Variants in LRP5 observed in about 807,000 individuals in gnomAD.
The protein encoded by LRP5 is low-density lipoprotein receptor-related protein 5.
In LRP5, 62 loss-of-function variants were observed where a neutral mutation model predicts 154.1. That is an observed-to-expected ratio of 0.40 (90% confidence interval 0.33 to 0.50). LRP5 has a LOEUF of 0.50. Ranked by LOEUF, LRP5 falls within the 20% of genes least tolerant of loss-of-function variation. The probability of loss-of-function intolerance (pLI) is 0.55; values close to 1 mark genes in which losing one functional copy is unlikely to be tolerated. For synonymous variants in LRP5, 966 were observed against 1,011.5 expected, an observed-to-expected ratio of 0.96 and a Z score of 0.85; for missense variants, 1,915 against 2,336.7, an observed-to-expected ratio of 0.82 and a Z score of 3.72.
intron 5 of LRP5, among the ~76,000 whole-genome samples, chr11:68,383,196 G>A (rs934063542): frequency 3.9e-5 from 6 of 152,216 alleles, no homozygotes; most frequent in African/African-American, 1.4e-4. Context: ...TGATTTCTTA[G>A]GAGGACAGAG....
intron 3 of LRP5, among the ~76,000 whole-genome samples, chr11:68,360,412 G>A (rs1194588361): frequency 0.028 from 1 of 36 alleles, no homozygotes; most frequent in African/African-American, 0.17. Flanking sequence ...CATAGGGTCT[G>A]TAGCTCCAGG....
At chr11:68,410,191 G>A (rs1320965630) in intron 10 of LRP5, 51 bp downstream of exon 10, 9 of 1,478,240 alleles carry the variant, frequency 6.1e-6, no homozygotes, top group African/African-American at 1.4e-5. Flanking sequence ...GTATGAGACA[G>A]TGCGGGGGTG....
intron 1 of LRP5, among the ~76,000 whole-genome samples, 160 bp downstream of exon 1, chr11:68,312,965 G>A (rs995119879): frequency 6.8e-6 from 1 of 148,006 alleles, no homozygotes; most frequent in African/African-American, 2.4e-5. Flanking sequence ...CGTCCCCGGC[G>A]TCCCCGCCAC....
rs2098673206 is a variant in LRP5, at chr11:68,433,660, C to T, written c.3822C>T (p.Ile1274=). The T allele has an allele frequency of 1.2e-6, 2 of 1,613,470 alleles. No individual in the cohort carries two copies. The highest frequency in any genetic ancestry group is 2.2e-5 in the East Asian group (1 of 44,888). The change falls in exon 18 of 23, where the codon ATC becomes ATT. Residue 1274 remains isoleucine (I), a synonymous_variant. Coordinates refer to ENST00000294304, the MANE Select transcript of LRP5 (RefSeq NM_002335.4). ...GTGCCACAGGGGAGATCGACTGTAT[C>T]CCCGGGGCCTGGCGCTGTGACGGCT... The part of the protein sequence containing the change: ...FACATGEIDC[I]PGAWRCDGFP...
At chr11:68,427,956 T>C (rs2098669686) in intron 16 of LRP5, among the ~76,000 whole-genome samples, 3 of 71,852 alleles carry the variant, frequency 4.2e-5, no homozygotes, top group East Asian at 8.1e-4. Flanking sequence ...TTTTATTTTA[T>C]TTTATTTTAT....
At chr11:68,432,610 A>G (rs1008856455) in intron 17 of LRP5, among the ~76,000 whole-genome samples, 5 of 152,236 alleles carry the variant, frequency 3.3e-5, no homozygotes, top group African/African-American at 1.2e-4. Flanking sequence ...TACCTTGATC[A>G]GATTTCAGCT....
In LRP5 at chr11:68,449,043, T is replaced by C. The variant is rs773843568; in HGVS notation, c.4821T>C (p.Pro1607=). The C allele has an allele frequency of 5.7e-6, 9 of 1,575,982 alleles. No individual in the cohort carries two copies. The highest frequency in any genetic ancestry group is 3.4e-5 in the Admixed American group (2 of 58,752). ...GCTACTTCCATCTCTTCCCGCCCCC[T>C]CCGTCCCCCTGCACGGACTCATCCT... ...ERSYFHLFPP[P]PSPCTDSS The change falls in exon 23 of 23, where the codon CCT becomes CCC. Residue 1607 remains proline (P), a synonymous_variant. Coordinates refer to ENST00000294304, the MANE Select transcript of LRP5 (RefSeq NM_002335.4).
rs1194426023 is a variant in LRP5, at chr11:68,434,387, TTCATTCATTC to T, written c.4000+550_4000+559del. On this transcript the variant is annotated intron_variant, in intron 18 of 22. Transcript: ENST00000294304. ...ATTCATTCATTCATTCATTCATTCATTCATTCATTCGAGACAGAGTCTTGCTCTGTCACCC... is the reference window on the plus strand; with the variant it reads ...ATTCATTCATTCATTCATTCATTCATGAGACAGAGTCTTGCTCTGTCACCC... Among the ~76,000 whole-genome samples the T allele has an allele frequency of 8.1e-3, 1,205 of 149,268 alleles. 17 individuals carry two copies. Among genetic ancestry groups the T allele is most frequent in the African/African-American group, 0.029 (1,135 of 39,098 alleles).
At chr11:68,438,347 G>A (rs2098676170) in intron 19 of LRP5, 99 bp from the exon 20 acceptor site, 4 of 1,183,844 alleles carry the variant, frequency 3.4e-6, no homozygotes, top group Non-Finnish European at 5.1e-6. Context: ...TCCACCAGTG[G>A]CAAAGCCAGC....
upstream of LRP5, among the ~76,000 whole-genome samples, chr11:68,312,432 G>T (rs973486855): frequency 3.3e-5 from 5 of 149,538 alleles, no homozygotes; most frequent in Non-Finnish European, 7.4e-5. Flanking sequence ...CGCGGGGAGG[G>T]GCCGCGGGGA....
chr11:68,432,020 C>T (rs1014275957), intron 17 of LRP5, among the ~76,000 whole-genome samples: 1 of 152,242 alleles, frequency 6.6e-6, no homozygotes, highest in African/African-American at 2.4e-5. Context: ...ACTGAGGTCT[C>T]GGACATGGAC....
intron 1 of LRP5, among the ~76,000 whole-genome samples, chr11:68,332,038 T>G (rs2098603131): frequency 6.6e-6 from 1 of 151,944 alleles, no homozygotes; most frequent in African/African-American, 2.4e-5. Flanking sequence ...ACACAGACCT[T>G]GGGGGTGCAG....
At chr11:68,326,997 G>A (rs1213548755) in intron 1 of LRP5, among the ~76,000 whole-genome samples, 1 of 152,188 alleles carries the variant, frequency 6.6e-6, no homozygotes, top group African/African-American at 2.4e-5. Context: ...TGCAGGGATG[G>A]TGGGGCCAGG....
chr11:68,411,280 C>T (rs796230381), intron 10 of LRP5, among the ~76,000 whole-genome samples, 156 bp from the exon 11 acceptor site: 25 of 152,232 alleles, frequency 1.6e-4, no homozygotes, highest in African/African-American at 5.3e-4. Flanking sequence ...TGGCAGGGGT[C>T]GAGGGTCTCG....
Position 68,377,039 on chromosome 11 carries a change from A to G in LRP5, c.1016-9277A>G, listed in dbSNP as rs532029285. 6.6e-5 allele frequency among the ~76,000 whole-genome samples: 10 copies of G among 152,196 alleles called. No individual in the cohort carries two copies. The East Asian group carries it at 1.9e-3, about 29-fold the overall frequency. ...CTCACGCCTGTAATCCCAGCACTTT[A>G]GGAACTCCTCACCTGAGGTCAGGAG... is the stretch of plus-strand genomic sequence containing the variant. On this transcript the variant is annotated intron_variant, in intron 5 of 22. Transcript: ENST00000294304.
chr11:68,367,078 C>T (rs1012499279), intron 5 of LRP5, among the ~76,000 whole-genome samples: 3 of 152,072 alleles, frequency 2.0e-5, no homozygotes, highest in African/African-American at 4.8e-5. Context: ...CTTGGACACC[C>T]GCTCCTCCAT....
chr11:68,386,146 C>T lies in LRP5; in HGVS notation c.1016-170C>T, dbSNP rs944760143. Among the ~76,000 whole-genome samples the T allele has an allele frequency of 1.3e-4, 20 of 152,176 alleles. No individual in the cohort carries two copies. The highest frequency in any genetic ancestry group is 3.1e-4 in the African/African-American group (13 of 41,440). On this transcript the variant is annotated intron_variant, in intron 5 of 22. Transcript: ENST00000294304. The surrounding 1 kb of genome is among the most constrained non-coding windows in gnomAD (Gnocchi z 7.9). ...CTCCCAGAGGTGTCATGAGGATGAA[C>T]GAGTGACCATGTAGCATGGGCTGGG...
At chr11:68,351,208 TC>T (rs1205081316) in intron 2 of LRP5, among the ~76,000 whole-genome samples, 1 of 152,008 alleles carries the variant, frequency 6.6e-6, no homozygotes, top group African/African-American at 2.4e-5. Context: ...GCCCCCGGCC[TC>T]CCAGGGGTGC....
chr11:68,405,580 G>T (rs1340942382), intron 8 of LRP5, among the ~76,000 whole-genome samples: 1 of 152,114 alleles, frequency 6.6e-6, no homozygotes, highest in Non-Finnish European at 1.5e-5. Flanking sequence ...ACAAAAGGGT[G>T]CCTCCATGGG....
Sources: allele counts gnomAD v4.1 joint callset (sites outside exome capture counted in the v4.1 genomes callset), GRCh38; gene constraint gnomAD v4.1.1; non-coding constraint Gnocchi (gnomAD v3.1); transcripts MANE v1.5; gene names NCBI Gene and HGNC (gene_info 2026-07-23, HGNC 2026-07-21).